The following EFNA5 variants were observed in gnomAD, a reference collection of about 807,000 sequenced individuals.
EFNA5 encodes ephrin A5, also known as ephrin-A5.
Under a neutral mutation model 22.9 loss-of-function variants are expected in EFNA5, and 5 were observed. The observed-to-expected ratio is 0.22, with a 90% CI of 0.11 to 0.46. EFNA5 has a LOEUF of 0.46. Ranked by LOEUF, EFNA5 falls within the 20% of genes least tolerant of loss-of-function variation. The pLI, the probability that EFNA5 is intolerant of heterozygous loss-of-function variation, is 0.99. For missense variants in EFNA5, 237 were observed against 293.3 expected (o/e 0.81, Z 1.40); for synonymous variants, 113 against 112.2 (o/e 1.01, Z -0.04).
chr5:107,659,349 T>C (rs1211922717), intron 1 of EFNA5, among the ~76,000 whole-genome samples: 1 of 152,102 alleles, frequency 6.6e-6, no homozygotes, highest in Non-Finnish European at 1.5e-5. Flanking sequence ...CAAGTTCTGA[T>C]TCTATGTGGT....
At chr5:107,610,663 A>G (rs927722868) in intron 1 of EFNA5, among the ~76,000 whole-genome samples, 3 of 152,028 alleles carry the variant, frequency 2.0e-5, no homozygotes, top group African/African-American at 7.2e-5. Flanking sequence ...CCTTTTGATT[A>G]TTTTTCAGTG....
chr5:107,451,744 G>T (rs1271498397), intron 1 of EFNA5, among the ~76,000 whole-genome samples: 1 of 152,164 alleles, frequency 6.6e-6, no homozygotes, highest in Non-Finnish European at 1.5e-5. Flanking sequence ...GAGAGGCTGT[G>T]GAGAAACAGG....
At chr5:107,552,766 G>C (rs1485460167) in intron 1 of EFNA5, among the ~76,000 whole-genome samples, 1 of 152,224 alleles carries the variant, frequency 6.6e-6, no homozygotes, top group Non-Finnish European at 1.5e-5. Context: ...ATGTTCTGAT[G>C]TTGTCATGTG....
intron 1 of EFNA5, among the ~76,000 whole-genome samples, chr5:107,622,054 A>AT (rs1437425347): frequency 6.6e-6 from 1 of 152,024 alleles, no homozygotes; most frequent in Non-Finnish European, 1.5e-5. Flanking sequence ...AAAAAAAAAA[A>AT]GACTCAATTT....
At chr5:107,387,676 A>G (rs767192239) in intron 3 of EFNA5, 30 bp downstream of exon 3, 41 of 1,563,136 alleles carry the variant, frequency 2.6e-5, no homozygotes, top group Non-Finnish European at 1.1e-5. Context: ...CGGTGAAGCC[A>G]CCCTCTGAAG....
At chr5:107,527,326 G>A (rs1394481040) in intron 1 of EFNA5, among the ~76,000 whole-genome samples, 1 of 139,268 alleles carries the variant, frequency 7.2e-6, no homozygotes, top group Non-Finnish European at 1.5e-5. Context: ...GGGCACTGTT[G>A]CCCGAGCTGG....
chr5:107,575,915 T>G (rs1039362404), intron 1 of EFNA5, among the ~76,000 whole-genome samples: 2 of 152,166 alleles, frequency 1.3e-5, no homozygotes, highest in Non-Finnish European at 2.9e-5. Flanking sequence ...GAAATAAAAG[T>G]TTTCATGGAA....
chr5:107,670,364 C>T lies in EFNA5; in HGVS notation c.125+125G>A, dbSNP rs960114787. 6.3e-6 allele frequency: 8 copies of T among 1,278,338 alleles called. No individual in the cohort carries two copies. In the African/African-American group the frequency reaches 1.1e-4, roughly 18 times the overall value. The allele number at this position is 1,278,338 out of a possible 1,614,324, so 79.2% of individuals were successfully genotyped here. A position where few individuals can be genotyped will look rare whatever the true frequency, so the allele number is the denominator to read the frequency against. The stretch of plus-strand genomic sequence containing the variant: ...CGCCGACGCCTCAAGCCATCAGCGC[C>T]CGGGCGACGCAGGCTCCGAGGGTGC... On this transcript the variant is annotated intron_variant, in intron 1 of 4. Transcript: ENST00000333274.
intron 1 of EFNA5, among the ~76,000 whole-genome samples, chr5:107,489,035 G>C (rs779945312): frequency 6.6e-6 from 1 of 152,034 alleles, no homozygotes; most frequent in Non-Finnish European, 1.5e-5. Context: ...CTGTACCTGA[G>C]GGATTCAGTG....
intron 1 of EFNA5, among the ~76,000 whole-genome samples, chr5:107,536,947 A>T (rs894471354): frequency 6.6e-6 from 1 of 151,600 alleles, no homozygotes; most frequent in Non-Finnish European, 1.5e-5. Context: ...TCTACTAACA[A>T]TATAAAAATT....
intron 1 of EFNA5, among the ~76,000 whole-genome samples, chr5:107,521,557 C>CAAACCTCAGCCTCCCAA (rs1471018180): frequency 1.3e-5 from 2 of 151,052 alleles, no homozygotes; most frequent in Non-Finnish European, 2.9e-5. Context: ...ACAACCCTCC[C>CAAACCTCAGCCTCCCAA]ACCTCAGCCT....
chr5:107,469,301 A>T (rs1044250622), intron 1 of EFNA5, among the ~76,000 whole-genome samples: 4 of 152,172 alleles, frequency 2.6e-5, no homozygotes, highest in Non-Finnish European at 5.9e-5. Context: ...CCCATCCTAC[A>T]TTCATAAGAA....
At position 107,380,866 on chromosome 5, in the gene EFNA5, T is replaced by C. The variant is rs936311819; in HGVS notation, c.*389A>G. The stretch of plus-strand genomic sequence containing the variant: ...CCAGCCCTAGCCAGCGCTGGCTGCA[T>C]CTGCCACTATTCTTCCTTGTCCATA... On this transcript the variant is annotated 3_prime_UTR_variant, in exon 5 of 5. Coordinates refer to ENST00000333274, the MANE Select transcript of EFNA5 (RefSeq NM_001962.3). The C allele has an allele frequency of 2.4e-6, 1 of 409,224 alleles. No homozygotes were observed. Among genetic ancestry groups the C allele is most frequent in the Non-Finnish European group, 4.3e-6 (1 of 231,730 alleles). The allele number at this position is 409,224 out of a possible 1,614,324, so 25.3% of individuals were successfully genotyped here.
At chr5:107,463,391 A>T (rs1284125482) in intron 1 of EFNA5, among the ~76,000 whole-genome samples, 1 of 152,046 alleles carries the variant, frequency 6.6e-6, no homozygotes, top group East Asian at 1.9e-4. Context: ...TATATTTCTG[A>T]TTTTCCTCAA....
intron 1 of EFNA5, among the ~76,000 whole-genome samples, chr5:107,662,183 G>A (rs759175174): frequency 3.3e-5 from 5 of 152,060 alleles, no homozygotes; most frequent in Non-Finnish European, 5.9e-5. Context: ...AGTTTTCTGC[G>A]CAAAAATGGT....
At chr5:107,608,973 A>C (rs1344946335) in intron 1 of EFNA5, among the ~76,000 whole-genome samples, 1 of 152,226 alleles carries the variant, frequency 6.6e-6, no homozygotes, top group Non-Finnish European at 1.5e-5. Context: ...TAAATGGAGC[A>C]CTACAAAACT....
chr5:107,441,010 C>A (rs1749241555), intron 1 of EFNA5, among the ~76,000 whole-genome samples: 1 of 149,558 alleles, frequency 6.7e-6, no homozygotes. Context: ...AAAAAAAAAA[C>A]TTGGATTTTT....
chr5:107,634,502 G>C (rs1750332111), intron 1 of EFNA5, among the ~76,000 whole-genome samples: 1 of 112,890 alleles, frequency 8.9e-6, no homozygotes, highest in African/African-American at 2.7e-5. Flanking sequence ...GACAACAAAT[G>C]AGATCCTCTC....
At chr5:107,521,198 C>T (rs984960029) in intron 1 of EFNA5, among the ~76,000 whole-genome samples, 4 of 152,138 alleles carry the variant, frequency 2.6e-5, no homozygotes, top group African/African-American at 9.7e-5. Flanking sequence ...CTTAAACATG[C>T]TCAGAACGCT....
Sources: gnomAD v4.1 joint callset for allele counts (sites outside exome capture counted in the v4.1 genomes callset) on GRCh38, gnomAD v4.1.1 for gene constraint, MANE v1.5 for transcripts, NCBI Gene and HGNC (gene_info 2026-07-23, HGNC 2026-07-21) for gene names.